ROBO2: variants seen among roughly 807,000 people sequenced by gnomAD.
The protein encoded by ROBO2 is roundabout homolog 2.
ROBO2 carries 53 observed loss-of-function variants against 160.8 expected under a neutral mutation model. The observed-to-expected ratio is 0.33, with a 90% confidence interval of 0.26 to 0.41. The LOEUF is 0.41. Ranked by LOEUF, ROBO2 falls within the 10% of genes least tolerant of loss-of-function variation. ROBO2 has a pLI of 1.00. For synonymous variants in ROBO2, 664 were observed against 611.7 expected, an observed-to-expected ratio of 1.09 and a Z score of -1.26; for missense variants, 1,577 against 1,722.4, an observed-to-expected ratio of 0.92 and a Z score of 1.49.
chr3:77,056,188 A>G (rs1473740834), intron 1 of ROBO2, among the ~76,000 whole-genome samples: 2 of 152,176 alleles, frequency 1.3e-5, no homozygotes, highest in African/African-American at 4.8e-5. Flanking sequence ...GACTACAAAG[A>G]TCCACCACTG....
At chr3:76,940,570 C>T (rs1461669274) in intron 2 of ROBO2, among the ~76,000 whole-genome samples, 2 of 152,158 alleles carry the variant, frequency 1.3e-5, no homozygotes, top group Admixed American at 1.3e-4. Flanking sequence ...TTCACGCTGA[C>T]TCTAATTCGT....
At chr3:75,974,489 G>A (rs1485063585) in intron 2 of ROBO2, among the ~76,000 whole-genome samples, 1 of 151,478 alleles carries the variant, frequency 6.6e-6, no homozygotes, top group Non-Finnish European at 1.5e-5. Context: ...GGAATGTTTT[G>A]GGGGTTAAAA....
intron 2 of ROBO2, among the ~76,000 whole-genome samples, chr3:76,512,804 G>GCA (rs1317795277): frequency 1.3e-5 from 2 of 151,974 alleles, no homozygotes; most frequent in South Asian, 2.1e-4. Flanking sequence ...ATTTCATTAT[G>GCA]TATATACAAA....
chr3:76,062,379 T>G (rs1447228149), intron 2 of ROBO2, among the ~76,000 whole-genome samples: 3 of 152,174 alleles, frequency 2.0e-5, no homozygotes, highest in Non-Finnish European at 4.4e-5. Context: ...GCTGTCCGAC[T>G]ACTTCACTAA....
chr3:77,220,291 T>A (rs2085614240), intron 2 of ROBO2, among the ~76,000 whole-genome samples: 1 of 152,164 alleles, frequency 6.6e-6, no homozygotes, highest in Admixed American at 6.5e-5. Flanking sequence ...ATTACAGGCA[T>A]GAGCCACTGC....
chr3:77,569,179 G>A (rs765045329), intron 13 of ROBO2, among the ~76,000 whole-genome samples: 2 of 151,922 alleles, frequency 1.3e-5, no homozygotes, highest in Non-Finnish European at 2.9e-5. Context: ...CCTACAAATT[G>A]TTCAGTAATA....
At chr3:77,260,549 A>C (rs2058709045) in intron 2 of ROBO2, among the ~76,000 whole-genome samples, 2 of 152,142 alleles carry the variant, frequency 1.3e-5, no homozygotes, top group African/African-American at 2.4e-5. Flanking sequence ...CATGGTTTTG[A>C]ATTGTGAGGA....
intron 2 of ROBO2, among the ~76,000 whole-genome samples, chr3:76,116,330 C>T (rs2070469270): frequency 6.6e-6 from 1 of 152,112 alleles, no homozygotes; most frequent in Non-Finnish European, 1.5e-5. Context: ...CTTTTCATCC[C>T]CTCTCCTATG....
intron 2 of ROBO2, among the ~76,000 whole-genome samples, chr3:76,394,398 C>T (rs912498246): frequency 2.0e-5 from 3 of 152,128 alleles, no homozygotes; most frequent in Admixed American, 6.6e-5. Flanking sequence ...CTTAGTTGGG[C>T]TGGATATGAA....
At chr3:76,338,008 C>T (rs1459112499) in intron 2 of ROBO2, among the ~76,000 whole-genome samples, 1 of 152,122 alleles carries the variant, frequency 6.6e-6, no homozygotes, top group Non-Finnish European at 1.5e-5. Flanking sequence ...CATACTCTGG[C>T]TTTCCCTCCC....
intron 6 of ROBO2, among the ~76,000 whole-genome samples, chr3:77,544,625 A>T (rs2092624470): frequency 6.6e-6 from 1 of 152,084 alleles, no homozygotes. Context: ...TTTGGGGCTG[A>T]TCTACGTTTA....
At chr3:77,357,421 C>A (rs189175672) in intron 2 of ROBO2, among the ~76,000 whole-genome samples, 1 of 152,094 alleles carries the variant, frequency 6.6e-6, no homozygotes, top group African/African-American at 2.4e-5. Context: ...TGCCTTCCAC[C>A]GTGTTATGAT....
rs1025661354 is a variant in ROBO2, at chr3:75,968,224, G to A, written c.109+30622G>A. Among the ~76,000 whole-genome samples, 4 of 151,270 alleles carry A rather than the reference G, an allele frequency of 2.6e-5. No individual in the cohort carries two copies. In the Admixed American group the frequency reaches 2.6e-4, roughly 10 times the overall value. ...TTACACCAAAGTTTTTGATGGTTTG[G>A]CTGTCAACACTATGGATATTATGAC... On this transcript the variant is annotated intron_variant, in intron 2 of 26. Coordinates refer to the ROBO2 transcript ENST00000487694.
At chr3:75,922,529 T>C (rs143040248) in intron 1 of ROBO2, among the ~76,000 whole-genome samples, 2,210 of 152,068 alleles carry the variant, frequency 0.015, 36 homozygotes, top group Non-Finnish European at 0.018. Context: ...CAACAAATCA[T>C]AAATAAATGA....
intron 2 of ROBO2, among the ~76,000 whole-genome samples, chr3:77,392,866 T>C (rs1419489809): frequency 1.3e-5 from 2 of 152,236 alleles, no homozygotes; most frequent in African/African-American, 4.8e-5. Context: ...TTCCGTGTTA[T>C]ACATACGAAA....
chr3:76,009,305 G>A lies in ROBO2; in HGVS notation c.109+71703G>A, dbSNP rs144354328. On this transcript the variant is annotated intron_variant, in intron 2 of 26. Coordinates refer to the ROBO2 transcript ENST00000487694. The stretch of plus-strand genomic sequence containing the variant: ...TTTTTAGTAGAGACGGGGTTTCACC[G>A]TGTCAGCCAGGATGGTCTCGATCTC... Among the ~76,000 whole-genome samples, 1,009 of 152,088 alleles carry A rather than the reference G, an allele frequency of 6.6e-3. 15 individuals carry two copies. The highest frequency in any genetic ancestry group is 0.024 in the African/African-American group (976 of 41,498).
At chr3:76,638,990 C>T (rs1416188621) in intron 2 of ROBO2, among the ~76,000 whole-genome samples, 1 of 152,000 alleles carries the variant, frequency 6.6e-6, no homozygotes, top group East Asian at 1.9e-4. Flanking sequence ...GTGTTTTTGC[C>T]TTTATTTTGA....
intron 2 of ROBO2, among the ~76,000 whole-genome samples, chr3:77,110,499 T>C (rs941690095): frequency 6.6e-6 from 1 of 151,774 alleles, no homozygotes; most frequent in African/African-American, 2.4e-5. Flanking sequence ...GGAGGAAGCA[T>C]AGCCTTTTCA....
intron 14 of ROBO2, among the ~76,000 whole-genome samples, chr3:77,576,669 G>A (rs2093773311): frequency 6.6e-6 from 1 of 152,030 alleles, no homozygotes; most frequent in African/African-American, 2.4e-5. Context: ...TTAGTTATAG[G>A]AGAAACTATA....
Sources: allele counts gnomAD v4.1 joint callset (sites outside exome capture counted in the v4.1 genomes callset), GRCh38; gene constraint gnomAD v4.1.1; transcripts MANE v1.5; gene names NCBI Gene and HGNC (gene_info 2026-07-23, HGNC 2026-07-21).